SETBP1: variants seen among roughly 807,000 people sequenced by gnomAD.
The protein encoded by SETBP1 is SET binding protein 1.
SETBP1 carries 9 observed loss-of-function variants against 101.0 expected under a neutral mutation model. The observed-to-expected ratio is 0.09, with a 90% CI of 0.05 to 0.16. SETBP1 has a LOEUF of 0.16. Among genes scored for constraint, SETBP1 ranks in the 10% least tolerant of loss-of-function variants. The pLI is 1.00. For synonymous variants in SETBP1, 818 were observed against 788.5 expected (o/e 1.04, Z -0.63); for missense variants, 1,858 against 2,033.8 (o/e 0.91, Z 1.66).
intron 3 of SETBP1, among the ~76,000 whole-genome samples, chr18:44,901,080 G>A (rs2070034864): frequency 6.6e-6 from 1 of 152,170 alleles, no homozygotes; most frequent in Admixed American, 6.5e-5. Flanking sequence ...AGAACAAACT[G>A]TTTAATTTAA....
At chr18:44,938,691 C>T (rs897290370) in intron 3 of SETBP1, among the ~76,000 whole-genome samples, 7 of 152,184 alleles carry the variant, frequency 4.6e-5, no homozygotes, top group South Asian at 4.1e-4. Context: ...GGTGGAGACA[C>T]GGGCTTCACC....
chr18:44,904,294 A>G (rs1388251399), intron 3 of SETBP1, among the ~76,000 whole-genome samples: 1 of 152,194 alleles, frequency 6.6e-6, no homozygotes, highest in Admixed American at 6.5e-5. Context: ...ACATACACAC[A>G]AAACATAACA....
At chr18:44,963,072 C>T (rs1355376893) in intron 4 of SETBP1, among the ~76,000 whole-genome samples, 3 of 152,174 alleles carry the variant, frequency 2.0e-5, no homozygotes, top group Non-Finnish European at 2.9e-5. Context: ...CAAAACCCAA[C>T]GTGACCAAGC....
chr18:44,873,441 G>A lies in SETBP1; in HGVS notation c.540+4158G>A, dbSNP rs534261298. Among the ~76,000 whole-genome samples the A allele has an allele frequency of 8.5e-5, 13 of 152,304 alleles. No individual in the cohort carries two copies. The East Asian group carries it at 1.9e-3, about 23-fold the overall frequency. On this transcript the variant is annotated intron_variant, in intron 3 of 5. Transcript: ENST00000649279. ...AGGTATTGTTTCTTCCATTAGAGAAGTGCAGAATAAATTAATTGAAAATTC... is the reference window on the plus strand; with the variant it reads ...AGGTATTGTTTCTTCCATTAGAGAAATGCAGAATAAATTAATTGAAAATTC...
At chr18:44,742,984 G>A (rs1401014314) in intron 2 of SETBP1, among the ~76,000 whole-genome samples, 4 of 125,550 alleles carry the variant, frequency 3.2e-5, no homozygotes, top group South Asian at 2.6e-4. Flanking sequence ...CCCCTGTCCC[G>A]TTACCCCTTT....
chr18:44,725,165 A>T (rs1244950631), intron 2 of SETBP1, among the ~76,000 whole-genome samples: 1 of 152,200 alleles, frequency 6.6e-6, no homozygotes, highest in Non-Finnish European at 1.5e-5. Context: ...GGAGACACAT[A>T]AGCAGGTGAT....
At chr18:44,978,218 C>T (rs1216881021) in intron 4 of SETBP1, among the ~76,000 whole-genome samples, 2 of 152,140 alleles carry the variant, frequency 1.3e-5, no homozygotes, top group African/African-American at 2.4e-5. Context: ...ATTTTAAGAG[C>T]GTCAATACAG....
chr18:44,704,046 T>G (rs986029031), intron 2 of SETBP1, among the ~76,000 whole-genome samples: 5 of 152,120 alleles, frequency 3.3e-5, no homozygotes, highest in Non-Finnish European at 7.4e-5. Context: ...GTTTTGGGAG[T>G]TCAAACCCAA....
chr18:45,015,008 C>T lies in SETBP1; in HGVS notation c.4001-23477C>T, dbSNP rs184627781. ...CAAACAGCCAGTGGGGTGCCTGCTC[C>T]GGACTCTCTGCCTCCACATCAGGGG... On this transcript the variant is annotated intron_variant, in intron 4 of 5. Transcript: ENST00000649279. Among the ~76,000 whole-genome samples the T allele has an allele frequency of 2.1e-3, 316 of 152,252 alleles. 2 individuals carry two copies. Among genetic ancestry groups the T allele is most frequent in the African/African-American group, 7.0e-3 (292 of 41,538 alleles).
intron 2 of SETBP1, among the ~76,000 whole-genome samples, chr18:44,789,951 GTGTGATCCAAT>G (rs2071337055): frequency 6.6e-6 from 1 of 152,222 alleles, no homozygotes; most frequent in Non-Finnish European, 1.5e-5. Context: ...GTGACAAGCT[GTGTGATCCAAT>G]TCACTGGACA....
chr18:44,769,451 A>C (rs557881446), intron 2 of SETBP1, among the ~76,000 whole-genome samples: 1 of 152,350 alleles, frequency 6.6e-6, no homozygotes, highest in Non-Finnish European at 1.5e-5. Flanking sequence ...CTCTTACTGA[A>C]TGATGATTTC....
chr18:44,921,796 T>C (rs1599324516), intron 3 of SETBP1, among the ~76,000 whole-genome samples: 1 of 152,042 alleles, frequency 6.6e-6, no homozygotes, highest in African/African-American at 2.4e-5. Flanking sequence ...GAGGGATAAA[T>C]GTCAGCATGA....
intron 2 of SETBP1, among the ~76,000 whole-genome samples, chr18:44,811,230 C>A (rs1391446693): frequency 1.3e-5 from 2 of 152,216 alleles, no homozygotes; most frequent in Non-Finnish European, 2.9e-5. Context: ...TCTAGCCTTG[C>A]AAAACATTTT....
chr18:44,876,676 A>G (rs1297504372), intron 3 of SETBP1: 5 of 1,546,776 alleles, frequency 3.2e-6, no homozygotes, highest in African/African-American at 2.8e-5. Context: ...ATGCCCCCGG[A>G]ACCCATTCCC....
intron 3 of SETBP1, among the ~76,000 whole-genome samples, chr18:44,907,596 C>T (rs1466664092): frequency 6.6e-6 from 1 of 152,132 alleles, no homozygotes; most frequent in Non-Finnish European, 1.5e-5. Flanking sequence ...TTGCATTTTC[C>T]TAATTGCTGA....
chr18:44,793,231 A>G (rs2071403074), intron 2 of SETBP1, among the ~76,000 whole-genome samples: 1 of 152,228 alleles, frequency 6.6e-6, no homozygotes, highest in Non-Finnish European at 1.5e-5. Flanking sequence ...TATCTATAAA[A>G]TGAGGCAGCT....
chr18:45,034,593 G>A (rs936417503), intron 4 of SETBP1, among the ~76,000 whole-genome samples: 1 of 152,070 alleles, frequency 6.6e-6, no homozygotes, highest in Non-Finnish European at 1.5e-5. Context: ...TTTCCTATAG[G>A]TTTAAGTTTT....
chr18:44,950,044 G>C lies in SETBP1; in HGVS notation c.704G>C (p.Cys235Ser). The change falls in exon 4 of 6, where the codon TGC becomes TCC. Residue 235 changes from cysteine to serine, a missense_variant. Physicochemically the swap from Cys to Ser is moderately radical, Grantham distance 112. Around this residue, in one of 12 missense-constraint regions of SETBP1, gnomAD observed 581 missense variants for 535.1 expected, o/e 1.09. Transcript: ENST00000649279. ...GACAGCGGACCCGTCACTCAGAATT[G>C]CTTCATCAGTCCAGAGTCTGGCAGA... ...NSDSGPVTQN[C>S]FISPESGRET... 6.2e-7 allele frequency: 1 copy of C among 1,614,210 alleles called. No homozygotes were observed. Among genetic ancestry groups the C allele is most frequent in the South Asian group, 1.1e-5 (1 of 91,088 alleles).
chr18:45,029,773 T>C (rs144844320), intron 4 of SETBP1, among the ~76,000 whole-genome samples: 51,064 of 152,046 alleles, frequency 0.34, 9,379 homozygotes, highest in Middle Eastern at 0.43. Context: ...TTTGAAGCAA[T>C]TGTGAACGGG....
Sources: allele counts gnomAD v4.1 joint callset (sites outside exome capture counted in the v4.1 genomes callset), GRCh38; gene constraint gnomAD v4.1.1; regional missense constraint gnomAD v4.1.1; transcripts MANE v1.5; gene names NCBI Gene and HGNC (gene_info 2026-07-23, HGNC 2026-07-21).